INPP4B: variants seen among roughly 807,000 people sequenced by gnomAD.
The protein encoded by INPP4B is inositol polyphosphate-4-phosphatase type II B.
INPP4B carries 55 observed loss-of-function variants against 122.5 expected under a neutral mutation model. The observed-to-expected ratio is 0.45, with a 90% CI of 0.36 to 0.56. The LOEUF (loss-of-function observed/expected upper bound fraction) is 0.56, where lower values mean the gene tolerates loss of function less well. Ranked by LOEUF, INPP4B falls within the 20% of genes least tolerant of loss-of-function variation. The pLI is 0.00. For missense variants in INPP4B, 1,000 were observed against 1,097.7 expected (o/e 0.91, Z 1.26); for synonymous variants, 403 against 388.7 (o/e 1.04, Z -0.43).
chr4:142,158,506 C>A (rs1818393525), intron 17 of INPP4B, among the ~76,000 whole-genome samples: 1 of 152,060 alleles, frequency 6.6e-6, no homozygotes, highest in Admixed American at 6.6e-5. Flanking sequence ...TGATACAGTC[C>A]CCACTTTCTT....
intron 1 of INPP4B, among the ~76,000 whole-genome samples, chr4:142,774,461 T>G (rs1429005689): frequency 6.7e-6 from 1 of 148,906 alleles, no homozygotes; most frequent in Non-Finnish European, 1.5e-5. Flanking sequence ...TCTGCTCCCA[T>G]GGAACTTTGA....
intron 7 of INPP4B, among the ~76,000 whole-genome samples, chr4:142,369,925 C>G (rs1205687974): frequency 7.4e-6 from 1 of 134,912 alleles, no homozygotes; most frequent in Non-Finnish European, 1.6e-5. Context: ...AAGTGAGACT[C>G]CATCTCAAAA....
chr4:142,243,355 A>G (rs1187724090), intron 11 of INPP4B, among the ~76,000 whole-genome samples: 1 of 152,234 alleles, frequency 6.6e-6, no homozygotes, highest in African/African-American at 2.4e-5. Context: ...TTACTCTTCC[A>G]TTTGAAGCTA....
At chr4:142,613,582 A>G (rs1482602538) in intron 2 of INPP4B, among the ~76,000 whole-genome samples, 1 of 152,194 alleles carries the variant, frequency 6.6e-6, no homozygotes, top group Non-Finnish European at 1.5e-5. Context: ...ATCTTTGTAA[A>G]GACCCTTGAC....
chr4:142,626,259 C>T (rs1436373915), intron 2 of INPP4B, among the ~76,000 whole-genome samples: 1 of 152,068 alleles, frequency 6.6e-6, no homozygotes, highest in East Asian at 1.9e-4. Flanking sequence ...CTATCATCCC[C>T]ATGGTTAGGT....
intron 1 of INPP4B, among the ~76,000 whole-genome samples, chr4:142,793,655 A>G (rs921087197): frequency 6.6e-6 from 1 of 152,106 alleles, no homozygotes; most frequent in African/African-American, 2.4e-5. Context: ...AAAATAAATG[A>G]ATAGGGTGCA....
At chr4:142,721,318 T>C (rs530105799) in intron 2 of INPP4B, among the ~76,000 whole-genome samples, 1 of 152,254 alleles carries the variant, frequency 6.6e-6, no homozygotes, top group South Asian at 2.1e-4. Context: ...GATCTTAGCC[T>C]AGAGAGACTC....
intron 14 of INPP4B, among the ~76,000 whole-genome samples, chr4:142,194,107 A>G (rs1264694116): frequency 6.6e-6 from 1 of 152,202 alleles, no homozygotes; most frequent in Non-Finnish European, 1.5e-5. Flanking sequence ...TCAGGTAAAT[A>G]CCATAACTTC....
At chr4:142,443,739 AGAGAGTG>A (rs1018972644) in intron 3 of INPP4B, among the ~76,000 whole-genome samples, 4 of 152,132 alleles carry the variant, frequency 2.6e-5, no homozygotes, top group South Asian at 2.1e-4. Flanking sequence ...AGCTTAAAGT[AGAGAGTG>A]GAGAGTGGAG....
intron 25 of INPP4B, among the ~76,000 whole-genome samples, chr4:142,035,493 T>A (rs575032105): frequency 6.6e-6 from 1 of 152,304 alleles, no homozygotes; most frequent in Admixed American, 6.5e-5. Context: ...GGTAGAGATG[T>A]ATAATCAAAC....
intron 25 of INPP4B, chr4:142,030,354 A>G: frequency 6.8e-7 from 1 of 1,462,442 alleles, no homozygotes; most frequent in South Asian, 1.3e-5. Flanking sequence ...TAGAGTTCAC[A>G]CAGTAAAAAA....
rs115716647 is a variant in INPP4B at position 142,376,477 on chromosome 4, G to A, written c.372+26461C>T. On this transcript the variant is annotated intron_variant, in intron 7 of 25. Coordinates refer to ENST00000262992, the MANE Select transcript of INPP4B (RefSeq NM_001101669.3). ...CATTATCAAAATGGAACAATTGAAA[G>A]GTCATCAGAGCATTTTGGCATGTGT... 7.1e-3 allele frequency among the ~76,000 whole-genome samples: 1,081 copies of A among 152,094 alleles called. 11 individuals are homozygous for A. Among genetic ancestry groups the A allele is most frequent in the African/African-American group, 0.025 (1,031 of 41,526 alleles).
intron 2 of INPP4B, among the ~76,000 whole-genome samples, chr4:142,502,451 C>T (rs1372909272): frequency 6.6e-6 from 1 of 152,058 alleles, no homozygotes; most frequent in East Asian, 1.9e-4. Context: ...ATAATTTTGT[C>T]TGCAACTTCT....
Position 142,594,255 on chromosome 4 carries a change from T to C in INPP4B, c.-190-131529A>G, listed in dbSNP as rs541430559. Among the ~76,000 whole-genome samples, 10 of 101,778 alleles carry C rather than the reference T, an allele frequency of 9.8e-5. No homozygotes were observed. In the East Asian group the frequency reaches 2.8e-3, roughly 29 times the overall value. 66.8% of individuals were successfully genotyped at this position (101,778 alleles called of 152,430 possible). ...AGATCTTTATTCTTCTGTTGAATTA[T>C]TTCTTGAGGTAAATTTTTAGAAATG... On this transcript the variant is annotated intron_variant, in intron 2 of 25. Coordinates refer to ENST00000262992, the MANE Select transcript of INPP4B (RefSeq NM_001101669.3).
intron 1 of INPP4B, among the ~76,000 whole-genome samples, chr4:142,793,093 A>G (rs1191977000): frequency 6.6e-6 from 1 of 151,640 alleles, no homozygotes; most frequent in Non-Finnish European, 1.5e-5. Flanking sequence ...CTACAGAATC[A>G]GGGATGGGCC....
intron 2 of INPP4B, among the ~76,000 whole-genome samples, chr4:142,677,040 T>C (rs1020792398): frequency 2.0e-5 from 3 of 152,022 alleles, no homozygotes; most frequent in African/African-American, 7.2e-5. Flanking sequence ...GAAACTATCA[T>C]CAGAGTGAAC....
intron 7 of INPP4B, among the ~76,000 whole-genome samples, chr4:142,402,329 A>G (rs925139087): frequency 2.0e-5 from 3 of 152,194 alleles, no homozygotes; most frequent in African/African-American, 7.2e-5. Context: ...AGTGTCCTCT[A>G]TAGTGCCTAA....
intron 1 of INPP4B, among the ~76,000 whole-genome samples, chr4:142,839,326 T>C (rs1204894378): frequency 1.3e-5 from 2 of 152,026 alleles, no homozygotes; most frequent in Non-Finnish European, 2.9e-5. Context: ...GGCATGGTAG[T>C]GTGCGCCTGT....
At chr4:142,297,371 T>C (rs1015075515) in intron 9 of INPP4B, among the ~76,000 whole-genome samples, 3 of 152,202 alleles carry the variant, frequency 2.0e-5, no homozygotes, top group Non-Finnish European at 2.9e-5. Flanking sequence ...AGTTTGGATG[T>C]CCGCTCCAAA....
Sources: allele counts gnomAD v4.1 joint callset (sites outside exome capture counted in the v4.1 genomes callset), GRCh38; gene constraint gnomAD v4.1.1; transcripts MANE v1.5; gene names NCBI Gene and HGNC (gene_info 2026-07-23, HGNC 2026-07-21).